The following ZNF106 variants were observed in gnomAD, a reference collection of about 807,000 sequenced individuals.
ZNF106 encodes SH3-domain binding protein 3.
In ZNF106, 67 loss-of-function variants were observed where a neutral mutation model predicts 195.1. The observed-to-expected ratio is 0.34, with a 90% CI of 0.28 to 0.42. ZNF106 has a LOEUF of 0.42. ZNF106 is among the 10% of genes least tolerant of loss of function. ZNF106 has a pLI of 1.00. For synonymous variants in ZNF106, 784 were observed against 818.6 expected (o/e 0.96, Z 0.72); for missense variants, 2,118 against 2,304.5 (o/e 0.92, Z 1.66).
At chr15:42,463,522 C>A (rs1046491927) in intron 3 of ZNF106, among the ~76,000 whole-genome samples, 2 of 151,994 alleles carry the variant, frequency 1.3e-5, no homozygotes, top group African/African-American at 4.8e-5. Flanking sequence ...CAGAGTGGAA[C>A]CCTGTCTTTA....
intron 13 of ZNF106, among the ~76,000 whole-genome samples, chr15:42,435,728 T>C (rs2055250294): frequency 1.3e-5 from 2 of 152,166 alleles, no homozygotes; most frequent in African/African-American, 2.4e-5. Flanking sequence ...TGAAAGTATA[T>C]GTTAGTTGAG....
At chr15:42,459,084 T>C (rs962077388) in intron 3 of ZNF106, among the ~76,000 whole-genome samples, 2 of 152,222 alleles carry the variant, frequency 1.3e-5, no homozygotes, top group African/African-American at 4.8e-5. Context: ...TATCAATACC[T>C]GATTACCCAG....
chr15:42,429,584 C>T (rs980562995), intron 14 of ZNF106, among the ~76,000 whole-genome samples: 3 of 152,054 alleles, frequency 2.0e-5, no homozygotes, highest in East Asian at 1.9e-4. Flanking sequence ...CCATTGGTCT[C>T]GTCTCCCAAC....
At chr15:42,482,771 C>T (rs185418042) in intron 1 of ZNF106, among the ~76,000 whole-genome samples, 1 of 152,142 alleles carries the variant, frequency 6.6e-6, no homozygotes, top group Admixed American at 6.5e-5. Context: ...CCTTGTGATC[C>T]ACCCACCTCG....
At chr15:42,459,193 C>T (rs868181051) in intron 3 of ZNF106, among the ~76,000 whole-genome samples, 15 of 152,118 alleles carry the variant, frequency 9.9e-5, no homozygotes, top group Middle Eastern at 6.8e-3. Flanking sequence ...GAATAATCTT[C>T]GGCCAGGCGT....
chr15:42,453,596 ATTT>A (rs781562351), intron 4 of ZNF106, among the ~76,000 whole-genome samples: 1 of 139,802 alleles, frequency 7.2e-6, no homozygotes, highest in Admixed American at 7.2e-5. Context: ...TGAGGCAAGT[ATTT>A]TTTTTTTTTT....
At chr15:42,434,392 A>T (rs990146273) in intron 14 of ZNF106, among the ~76,000 whole-genome samples, 2 of 152,236 alleles carry the variant, frequency 1.3e-5, no homozygotes. Context: ...TGTTTTAACA[A>T]GCTGTCCAGG....
At chr15:42,471,973 T>G (rs139998827) in intron 2 of ZNF106, among the ~76,000 whole-genome samples, 68 of 152,356 alleles carry the variant, frequency 4.5e-4, no homozygotes, top group Admixed American at 1.0e-3. Flanking sequence ...TTACTAAATT[T>G]CTGTGTCATC....
In ZNF106 at chr15:42,439,646, A is replaced by G. The variant is rs1444094655; in HGVS notation, c.3931T>C (p.Ser1311Pro). The change falls in exon 11 of 22, where the codon TCT (serine) becomes CCT (proline). Residue 1311 changes from serine (S) to proline (P), a missense_variant. Transcript: ENST00000564754. ...TCTTCCCCTTCTTTATTTATGCTAG[A>G]AAGACCAGCTGATTGGGAAGAGGGA... ...NSPSSQSAGL[S>P]SINKEGEEPT... 6.2e-7 allele frequency: 1 copy of G among 1,613,990 alleles called. No individual in the cohort carries two copies.
At chr15:42,489,219 CGTTTTT>C (rs2057085638) in intron 1 of ZNF106, among the ~76,000 whole-genome samples, 1 of 146,666 alleles carries the variant, frequency 6.8e-6, no homozygotes, top group African/African-American at 2.5e-5. Flanking sequence ...GATGGAGTTT[CGTTTTT>C]GGAGTACAAT....
Position 42,448,672 on chromosome 15 carries a change from A to G in ZNF106, c.2535T>C (p.Asn845=). 1 of 1,609,604 alleles carries G rather than the reference A, an allele frequency of 6.2e-7. No homozygotes were observed. Among genetic ancestry groups the G allele is most frequent in the Non-Finnish European group, 8.5e-7 (1 of 1,179,542 alleles). The change falls in exon 6 of 22, where the codon AAT becomes AAC. Residue 845 remains asparagine (N), a synonymous_variant. Coordinates refer to ENST00000564754, the MANE Select transcript of ZNF106 (RefSeq NM_001366845.3). ...CATCCAAATCTAAGGCTTCTTGTTC[A>G]TTTTGAACAAGGGGTACCATTTCTA... ...FGIEMVPLVQ[N]EQEALDLDGE...
chr15:42,433,746 ATT>A (rs542189237), intron 14 of ZNF106, among the ~76,000 whole-genome samples: 6 of 152,000 alleles, frequency 3.9e-5, no homozygotes, highest in Non-Finnish European at 7.4e-5. Context: ...TCTTTTAGTA[ATT>A]ACTCTAGGGC....
Position 42,413,798 on chromosome 15 carries a change from A to G in ZNF106, c.*3506T>C, listed in dbSNP as rs1387982177. 1 of 152,400 alleles carries G rather than the reference A, an allele frequency of 6.6e-6. No individual in the cohort carries two copies. Among genetic ancestry groups the G allele is most frequent in the Non-Finnish European group, 1.5e-5 (1 of 68,048 alleles). The allele number at this position is 152,400 out of a possible 1,614,324, so 9.4% of individuals were successfully genotyped here. A position where few individuals can be genotyped will look rare whatever the true frequency, so the allele number is the denominator to read the frequency against. On this transcript the variant is annotated 3_prime_UTR_variant, in exon 22 of 22. Coordinates refer to ENST00000564754, the MANE Select transcript of ZNF106 (RefSeq NM_001366845.3). ...AAAAGCAGGAGTGCAGTAGTAAGTA[A>G]TGACTTTCTCTCAGATTCAAGTAAC...
At chr15:42,468,665 C>A (rs1001292406) in intron 2 of ZNF106, among the ~76,000 whole-genome samples, 9 of 151,674 alleles carry the variant, frequency 5.9e-5, no homozygotes, top group Admixed American at 1.3e-4. Flanking sequence ...ATCGCTTGAA[C>A]CCAGGAGGCG....
chr15:42,456,922 T>C, intron 4 of ZNF106, 36 bp downstream of exon 4: 2 of 1,578,180 alleles, frequency 1.3e-6, no homozygotes, highest in Admixed American at 1.7e-5. Flanking sequence ...TGTGTTCTGT[T>C]ATAGATAGGC....
chr15:42,456,011 T>G (rs533462727), intron 4 of ZNF106, among the ~76,000 whole-genome samples: 8 of 152,330 alleles, frequency 5.3e-5, no homozygotes, highest in Admixed American at 1.3e-4. Context: ...AATGTAGGTA[T>G]GAAATTATGC....
In ZNF106 at chr15:42,430,391, T is replaced by C. The variant is rs146285602; in HGVS notation, c.4882-2257A>G. Among the ~76,000 whole-genome samples, 26 of 152,138 alleles carry C rather than the reference T, an allele frequency of 1.7e-4. 1 individual carries two copies. Among genetic ancestry groups the C allele is most frequent in the African/African-American group, 6.3e-4 (26 of 41,378 alleles). On this transcript the variant is annotated intron_variant, in intron 14 of 21. Coordinates refer to ENST00000564754, the MANE Select transcript of ZNF106 (RefSeq NM_001366845.3). ...GTTTAGGGATTTACTTATGTATTTG[T>C]TTTTTGAAAGACAAGGTCTCGCTCT...
intron 14 of ZNF106, 138 bp downstream of exon 14, chr15:42,435,246 C>T: frequency 8.3e-7 from 1 of 1,209,440 alleles, no homozygotes; most frequent in Non-Finnish European, 1.2e-6. Flanking sequence ...AGGGCTACAA[C>T]AATGTGCTAA....
At chr15:42,419,226 G>A (rs934103592) in intron 20 of ZNF106, among the ~76,000 whole-genome samples, 1 of 152,106 alleles carries the variant, frequency 6.6e-6, no homozygotes, top group Non-Finnish European at 1.5e-5. Flanking sequence ...AAATCAGCCA[G>A]GCGTGTGGCA....
Sources: gnomAD v4.1 joint callset for allele counts (sites outside exome capture counted in the v4.1 genomes callset) on GRCh38, gnomAD v4.1.1 for gene constraint, MANE v1.5 for transcripts, NCBI Gene and HGNC (gene_info 2026-07-23, HGNC 2026-07-21) for gene names.